Variants in PSMF1 observed in about 807,000 individuals in gnomAD.
PSMF1 encodes proteasome inhibitor subunit 1, also known as proteasome inhibitor PI31 subunit.
PSMF1 carries 30 observed loss-of-function variants against 29.3 expected under a neutral mutation model. The observed-to-expected ratio is 1.02, with a 90% CI of 0.77 to 1.39. The LOEUF (loss-of-function observed/expected upper bound fraction) is 1.39. Among genes scored for constraint, PSMF1 ranks in the 40% most tolerant of loss-of-function variants. PSMF1 has a pLI of 0.00. For synonymous variants in PSMF1, 134 were observed against 139.7 expected, an observed-to-expected ratio of 0.96 and a Z score of 0.29; for missense variants, 344 against 357.5, an observed-to-expected ratio of 0.96 and a Z score of 0.31.
Position 1,140,552 on chromosome 20 carries a change from A to T in PSMF1, c.551+5246A>T, listed in dbSNP as rs1383331827. ...CTTCAGTTAGACTGTGGTTTCTTAG[A>T]CACAATACCTGGGAGGTTAAAAGCA... On this transcript the variant is annotated intron_variant, in intron 4 of 6. Transcript: ENST00000335877. Among the ~76,000 whole-genome samples, 3 of 152,196 alleles carry T rather than the reference A, an allele frequency of 2.0e-5. No homozygotes were observed. In the South Asian group the frequency reaches 6.2e-4, roughly 32 times the overall value.
At position 1,170,039 on chromosome 20, in the gene PSMF1, T is replaced by G. The variant is rs529261592; in HGVS notation, c.*4959T>G. On this transcript the variant is annotated 3_prime_UTR_variant, in exon 7 of 7. Coordinates refer to ENST00000335877, the MANE Select transcript of PSMF1 (RefSeq NM_006814.5). ...CAATCTAGATCTCAAGGGAACGGCC[T>G]TCAGATCCATTTTTGACAAGTTCCT... Among the ~76,000 whole-genome samples, 1 of 152,308 alleles carries G rather than the reference T, an allele frequency of 6.6e-6. No homozygotes were observed. The highest frequency in any genetic ancestry group is 1.9e-4 in the East Asian group (1 of 5,186).
chr20:1,130,236 C>G (rs530317560), intron 3 of PSMF1, among the ~76,000 whole-genome samples: 160 of 152,258 alleles, frequency 1.1e-3, no homozygotes, highest in African/African-American at 3.5e-3. Context: ...GAAAAGAGAT[C>G]TGGAGATGGA....
At position 1,125,658 on chromosome 20, in the gene PSMF1, T is replaced by G. The variant is rs2086146254; in HGVS notation, c.282+8T>G. On this transcript the variant is annotated splice_region_variant and intron_variant, in intron 2 of 6. Transcript: ENST00000335877. ...ATGATCCTCAATGTGCTGGTGAGTC[T>G]CTGGGACACGTGAGTCTGCTGATGA... 2 of 1,607,410 alleles carry G rather than the reference T, an allele frequency of 1.2e-6. No homozygotes were observed. The highest frequency in any genetic ancestry group is 2.2e-5 in the South Asian group (2 of 90,004).
Position 1,135,105 on chromosome 20 carries a change from C to A in PSMF1, c.366-16C>A. Reference sequence around the variant, plus strand: ...AGCCAACTGCAAGCAGTTGACTCTTCATCTGCTTCCTGCAGGACCTACAAG... The same window carrying A: ...AGCCAACTGCAAGCAGTTGACTCTTAATCTGCTTCCTGCAGGACCTACAAG... On this transcript the variant is annotated splice_polypyrimidine_tract_variant and intron_variant, in intron 3 of 6. Transcript: ENST00000335877. 6.2e-7 allele frequency: 1 copy of A among 1,614,100 alleles called. No individual in the cohort carries two copies. The highest frequency in any genetic ancestry group is 1.1e-5 in the South Asian group (1 of 91,082).
intron 4 of PSMF1, among the ~76,000 whole-genome samples, chr20:1,152,418 A>G (rs1369964412): frequency 6.6e-6 from 1 of 152,192 alleles, no homozygotes; most frequent in Non-Finnish European, 1.5e-5. Flanking sequence ...GAACAAAGAA[A>G]TGAACTTGGC....
rs1379161359 is a variant in PSMF1, at chr20:1,118,754, C to A, written c.-20C>A. ...CCCCCGCCCCCTTCTTTCCTCCAGA[C>A]GCCGAAGTCGCGGGCGCTCATGGCG... is the stretch of plus-strand genomic sequence containing the variant. On this transcript the variant is annotated 5_prime_UTR_variant, in exon 1 of 7. Coordinates refer to ENST00000335877, the MANE Select transcript of PSMF1 (RefSeq NM_006814.5). 8 of 1,606,894 alleles carry A rather than the reference C, an allele frequency of 5.0e-6. No homozygotes were observed. The East Asian group carries it at 1.6e-4, about 31-fold the overall frequency.
Position 1,168,755 on chromosome 20 carries a change from C to T in PSMF1, c.*3675C>T, listed in dbSNP as rs6108774. On this transcript the variant is annotated 3_prime_UTR_variant, in exon 7 of 7. Transcript: ENST00000335877. The stretch of plus-strand genomic sequence containing the variant: ...AATAACATTCTATTAATGATCCATG[C>T]CTCTCTTCACAGGAGGAATATTAGA... Among the ~76,000 whole-genome samples, 1,279 of 152,286 alleles carry T rather than the reference C, an allele frequency of 8.4e-3. 23 individuals carry two copies. Among genetic ancestry groups the T allele is most frequent in the African/African-American group, 0.029 (1,197 of 41,546 alleles).
intron 4 of PSMF1, among the ~76,000 whole-genome samples, chr20:1,155,262 A>G (rs2086579874): frequency 6.6e-6 from 1 of 152,238 alleles, no homozygotes. Context: ...AAATGCTCAG[A>G]GAGAGTGGGA....
chr20:1,125,386 C>G, intron 1 of PSMF1, 112 bp from the exon 2 acceptor site: 1 of 1,191,416 alleles, frequency 8.4e-7, no homozygotes, highest in Non-Finnish European at 1.1e-6. Context: ...TCTTGACCTC[C>G]ACATCTTCAT....
intron 1 of PSMF1, 145 bp downstream of exon 1, chr20:1,119,047 G>C: frequency 1.7e-6 from 2 of 1,184,116 alleles, no homozygotes; most frequent in Admixed American, 5.1e-5. Context: ...TAAAACCTGC[G>C]GGTCGGAGGT....
Position 1,118,620 on chromosome 20 carries a change from C to G in PSMF1, c.-154C>G. 1 of 908,172 alleles carries G rather than the reference C, an allele frequency of 1.1e-6. No homozygotes were observed. Among genetic ancestry groups the G allele is most frequent in the South Asian group, 2.1e-5 (1 of 47,540 alleles). 56.3% of individuals were successfully genotyped at this position (908,172 alleles called of 1,614,324 possible). ...TACTTCCGGCTTCCCCGCCCCGCCCCGTCCCCGGGCGTCTCCATTTTGGTC... is the reference window on the plus strand; with the variant it reads ...TACTTCCGGCTTCCCCGCCCCGCCCGGTCCCCGGGCGTCTCCATTTTGGTC... On this transcript the variant is annotated 5_prime_UTR_variant, in exon 1 of 7. Transcript: ENST00000335877.
At chr20:1,134,883 A>C in intron 3 of PSMF1, 1 of 596,136 alleles carries the variant, frequency 1.7e-6, no homozygotes. Context: ...TGGGGTGGTA[A>C]ACAAGGAGGG....
At chr20:1,122,475 T>A (rs532254432) in intron 1 of PSMF1, among the ~76,000 whole-genome samples, 1 of 152,070 alleles carries the variant, frequency 6.6e-6, no homozygotes, top group Admixed American at 6.5e-5. Context: ...TTTTTTTGTA[T>A]TTTTAGTAGA....
In PSMF1 at chr20:1,136,454, A is replaced by G. The variant is rs561028154; in HGVS notation, c.551+1148A>G. On this transcript the variant is annotated intron_variant, in intron 4 of 6. Coordinates refer to ENST00000335877, the MANE Select transcript of PSMF1 (RefSeq NM_006814.5). Reference sequence around the variant, plus strand: ...AAATTTTAGACCTAAAGTAAATAGTAATTCTCAGCTTTATTAGACCCAATG... The same window carrying G: ...AAATTTTAGACCTAAAGTAAATAGTGATTCTCAGCTTTATTAGACCCAATG... Among the ~76,000 whole-genome samples the G allele has an allele frequency of 2.6e-5, 4 of 152,348 alleles. No homozygotes were observed. In the South Asian group the frequency reaches 8.3e-4, roughly 32 times the overall value.
At chr20:1,153,379 A>C (rs2086555422) in intron 4 of PSMF1, among the ~76,000 whole-genome samples, 2 of 152,026 alleles carry the variant, frequency 1.3e-5, no homozygotes, top group African/African-American at 4.8e-5. Flanking sequence ...CAGCTCCATA[A>C]GACCTTCTGC....
intron 4 of PSMF1, among the ~76,000 whole-genome samples, chr20:1,160,400 G>GT (rs1488366248): frequency 6.6e-6 from 1 of 152,006 alleles, no homozygotes; most frequent in Non-Finnish European, 1.5e-5. Context: ...GCTGACTGCA[G>GT]TTTCCTTGAT....
At chr20:1,145,499 G>C (rs567767413) in intron 4 of PSMF1, among the ~76,000 whole-genome samples, 116 of 152,272 alleles carry the variant, frequency 7.6e-4, no homozygotes, top group Middle Eastern at 3.4e-3. Flanking sequence ...ACAGAGAGTA[G>C]GGCAGAAAGG....
chr20:1,151,966 A>G (rs1314816835), intron 4 of PSMF1, among the ~76,000 whole-genome samples: 3 of 152,206 alleles, frequency 2.0e-5, no homozygotes, highest in African/African-American at 7.2e-5. Flanking sequence ...CATGAGGGCC[A>G]AATCACAAGG....
In PSMF1 at chr20:1,168,674, G is replaced by A. The variant is rs539828950; in HGVS notation, c.*3594G>A. Reference sequence around the variant, plus strand: ...TTAGAAAATAGGTAGCAAGTTCCACGCAGCCTCACTCTTTGGAACCTAGTT... The same window carrying A: ...TTAGAAAATAGGTAGCAAGTTCCACACAGCCTCACTCTTTGGAACCTAGTT... On this transcript the variant is annotated 3_prime_UTR_variant, in exon 7 of 7. Transcript: ENST00000335877. Among the ~76,000 whole-genome samples, 5 of 152,286 alleles carry A rather than the reference G, an allele frequency of 3.3e-5. No homozygotes were observed. Among genetic ancestry groups the A allele is most frequent in the South Asian group, 4.1e-4 (2 of 4,830 alleles).
Sources: allele counts gnomAD v4.1 joint callset (sites outside exome capture counted in the v4.1 genomes callset), GRCh38; gene constraint gnomAD v4.1.1; transcripts MANE v1.5; gene names NCBI Gene and HGNC (gene_info 2026-07-23, HGNC 2026-07-21).